The following DOCK9 variants were observed in gnomAD, a reference collection of about 807,000 sequenced individuals.
DOCK9 encodes the protein dedicator of cytokinesis protein 9.
A neutral mutation model predicts 263.3 loss-of-function variants in DOCK9; 89 were observed. The ratio of observed to expected loss-of-function variants is 0.34; its 90% confidence interval spans 0.28 to 0.40. The LOEUF is 0.40. Among genes scored for constraint, DOCK9 ranks in the 10% least tolerant of loss-of-function variants. The pLI is 1.00. For missense variants in DOCK9, 2,140 were observed against 2,603.4 expected (o/e 0.82, Z 3.87); for synonymous variants, 976 against 973.1 (o/e 1.00, Z -0.06).
rs1415855441 is a variant in DOCK9 at position 98,855,811 on chromosome 13, T to G, written c.3831+87A>C. The G allele has an allele frequency of 3.3e-6, 5 of 1,527,098 alleles. No homozygotes were observed. The Admixed American group carries it at 7.2e-5, about 22-fold the overall frequency. The allele number at this position is 1,527,098 out of a possible 1,614,324, so 94.6% of individuals were successfully genotyped here. The stretch of plus-strand genomic sequence containing the variant: ...TTAGAAAAAAACAAAAGGTCACACT[T>G]AAAAGGCACTAGAACATGAAGTACG... On this transcript the variant is annotated intron_variant, in intron 34 of 52. Coordinates refer to ENST00000682017, the MANE Select transcript of DOCK9 (RefSeq NM_001366683.2).
rs542138610 is a variant in DOCK9, at chr13:98,992,623, G to A, written c.130-37072C>T. On this transcript the variant is annotated intron_variant, in intron 1 of 32. Transcript: ENST00000427887. ...TGAGATCTGATGGTTTAATAAAAGG[G>A]AGTTCCCCAGCACACCCCACTTGCC... is the stretch of plus-strand genomic sequence containing the variant. Among the ~76,000 whole-genome samples the A allele has an allele frequency of 1.6e-4, 25 of 152,268 alleles. No individual in the cohort carries two copies. The East Asian group carries it at 3.9e-3, about 23-fold the overall frequency.
rs1293030577 is a variant in DOCK9 at position 98,901,794 on chromosome 13, C to T, written c.1487G>A (p.Ser496Asn). 1.2e-6 allele frequency: 2 copies of T among 1,612,678 alleles called. No homozygotes were observed. Among genetic ancestry groups the T allele is most frequent in the African/African-American group, 2.7e-5 (2 of 74,924 alleles). Residue 496 changes from serine (S) to asparagine (N), a missense_variant, in exon 13 of 53, where the codon AGT (serine) becomes AAT (asparagine). Ser to Asn is a conservative substitution (Grantham distance 46). Transcript: ENST00000682017. ...ITHCAEPYMKSSDSSKVAQKV... is the reference protein window; with the variant it reads ...ITHCAEPYMKNSDSSKVAQKV... ...CATTCATACCTTAGAAGAGTCTGAA[C>T]TTTTCATATATGGCTCAGCGCAATG... is the stretch of plus-strand genomic sequence containing the variant.
chr13:98,926,036 C>G (rs1595378680), intron 3 of DOCK9, 117 bp from the exon 4 acceptor site: 1 of 667,354 alleles, frequency 1.5e-6, no homozygotes, highest in African/African-American at 1.8e-5. Context: ...AATTTTTTCC[C>G]ATCAACGAGC....
At chr13:98,943,315 A>C (rs1288967783) in intron 2 of DOCK9, among the ~76,000 whole-genome samples, 1 of 152,226 alleles carries the variant, frequency 6.6e-6, no homozygotes, top group Non-Finnish European at 1.5e-5. Context: ...GCACACACTC[A>C]AGGGTGTTGC....
At chr13:98,876,471 A>G (rs2043875937) in intron 27 of DOCK9, among the ~76,000 whole-genome samples, 1 of 152,236 alleles carries the variant, frequency 6.6e-6, no homozygotes, top group South Asian at 2.1e-4. Context: ...AGCCTGGGCA[A>G]CAAGAGCAAA....
intron 7 of DOCK9, among the ~76,000 whole-genome samples, chr13:98,918,540 G>A (rs544809865): frequency 6.6e-6 from 1 of 152,042 alleles, no homozygotes; most frequent in East Asian, 1.9e-4. Context: ...ACACTAAAGA[G>A]AAGACCACAA....
intron 9 of DOCK9, among the ~76,000 whole-genome samples, chr13:98,907,086 T>C (rs899325237): frequency 1.4e-4 from 21 of 152,224 alleles, no homozygotes; most frequent in African/African-American, 5.1e-4. Context: ...CATTTTATTC[T>C]ATCCTGCCTA....
intron 11 of DOCK9, 95 bp from the exon 12 acceptor site, chr13:98,902,586 C>T (rs2139479578): frequency 1.7e-6 from 2 of 1,203,336 alleles, no homozygotes; most frequent in Admixed American, 2.2e-5. Flanking sequence ...CTATTTAGGA[C>T]TGTTGCCATA....
intron 2 of DOCK9, among the ~76,000 whole-genome samples, chr13:98,940,807 C>G (rs747929918): frequency 6.6e-6 from 1 of 152,092 alleles, no homozygotes; most frequent in Non-Finnish European, 1.5e-5. Flanking sequence ...ATGCACAAAC[C>G]ACAGTGCAGC....
chr13:99,077,627 G>C (rs2041962262), intron 1 of DOCK9, among the ~76,000 whole-genome samples: 1 of 152,176 alleles, frequency 6.6e-6, no homozygotes, highest in South Asian at 2.1e-4. Flanking sequence ...AGGAAAGAAA[G>C]GAGACAGGAA....
Position 98,989,256 on chromosome 13 carries a change from G to C in DOCK9, c.130-33705C>G, listed in dbSNP as rs1024715418. 1.4e-4 allele frequency among the ~76,000 whole-genome samples: 21 copies of C among 151,704 alleles called. No individual in the cohort carries two copies. The South Asian group carries it at 3.8e-3, about 27-fold the overall frequency. On this transcript the variant is annotated intron_variant, in intron 1 of 32. Coordinates refer to the DOCK9 transcript ENST00000427887. ...GAGGTGAAGCCAAGACCCCTGTCTT[G>C]TAAGGGTTGCCAAACCTAGTTCTGC...
chr13:98,998,422 C>G (rs1428897027), intron 1 of DOCK9, among the ~76,000 whole-genome samples: 1 of 152,138 alleles, frequency 6.6e-6, no homozygotes, highest in Non-Finnish European at 1.5e-5. Flanking sequence ...GTGGAGCACT[C>G]GAAAATCCTT....
intron 1 of DOCK9, among the ~76,000 whole-genome samples, chr13:99,066,895 T>A (rs2076035937): frequency 6.6e-6 from 1 of 152,190 alleles, no homozygotes; most frequent in African/African-American, 2.4e-5. Flanking sequence ...CCAGAATCTT[T>A]ACAAGAGAAA....
At chr13:99,072,072 C>A (rs1002267355) in intron 1 of DOCK9, among the ~76,000 whole-genome samples, 3 of 152,212 alleles carry the variant, frequency 2.0e-5, no homozygotes, top group Non-Finnish European at 4.4e-5. Flanking sequence ...ATCTCTTTCA[C>A]GGTTTCCTTG....
At chr13:98,796,128 T>C (rs569729283) in intron 52 of DOCK9, 3 of 1,086,484 alleles carry the variant, frequency 2.8e-6, no homozygotes, top group South Asian at 2.7e-5. Context: ...CCAATGTCTG[T>C]AGTTGCTCAA....
At chr13:99,041,986 C>G (rs1479199688) in intron 1 of DOCK9, among the ~76,000 whole-genome samples, 4 of 152,186 alleles carry the variant, frequency 2.6e-5, no homozygotes, top group Non-Finnish European at 4.4e-5. Flanking sequence ...AGAAGTGTGA[C>G]AGAATAAATT....
intron 1 of DOCK9, among the ~76,000 whole-genome samples, chr13:98,999,919 C>T (rs1881938409): frequency 6.6e-6 from 1 of 152,134 alleles, no homozygotes. Flanking sequence ...ATCTCTTGCA[C>T]CAAAGTTCCC....
At chr13:98,839,896 A>G (rs1300865442) in intron 38 of DOCK9, among the ~76,000 whole-genome samples, 8 of 152,260 alleles carry the variant, frequency 5.3e-5, no homozygotes, top group Admixed American at 2.0e-4. Context: ...TCATACAGAC[A>G]TCGGTACGCT....
At chr13:98,919,116 C>T (rs1237243851) in intron 7 of DOCK9, among the ~76,000 whole-genome samples, 52 of 148,268 alleles carry the variant, frequency 3.5e-4, no homozygotes, top group Non-Finnish European at 6.0e-4. Context: ...GGCTGTTTCT[C>T]TTTTTTTTTT....
Sources: gnomAD v4.1 joint callset for allele counts (sites outside exome capture counted in the v4.1 genomes callset) on GRCh38, gnomAD v4.1.1 for gene constraint, MANE v1.5 for transcripts, NCBI Gene and HGNC (gene_info 2026-07-23, HGNC 2026-07-21) for gene names.